Variants in MTSS1 observed in about 807,000 individuals in gnomAD.
MTSS1 encodes MTSS I-BAR domain containing 1, also known as protein MTSS 1.
Under a neutral mutation model 79.0 loss-of-function variants are expected in MTSS1, and 18 were observed. The observed-to-expected ratio is 0.23, with a 90% CI of 0.16 to 0.34. The LOEUF (loss-of-function observed/expected upper bound fraction) is 0.34. Ranked by LOEUF, MTSS1 falls within the 10% of genes least tolerant of loss-of-function variation. MTSS1 has a pLI of 1.00. For synonymous variants in MTSS1, 341 were observed against 368.6 expected, an observed-to-expected ratio of 0.93 and a Z score of 0.86; for missense variants, 815 against 986.2, an observed-to-expected ratio of 0.83 and a Z score of 2.33.
chr8:124,727,773 G>C lies in MTSS1; in HGVS notation c.72+111C>G. On this transcript the variant is annotated intron_variant, in intron 1 of 13. Coordinates refer to ENST00000518547, the MANE Select transcript of MTSS1 (RefSeq NM_014751.6). The surrounding 1 kb of genome is among the most constrained non-coding windows in gnomAD (Gnocchi z 4.7). Reference sequence around the variant, plus strand: ...GGCCGGGAGCTCCCGCAGGTGGCCGGTGGCCACACTGCAGGGAAGGGCCGG... The same window carrying C: ...GGCCGGGAGCTCCCGCAGGTGGCCGCTGGCCACACTGCAGGGAAGGGCCGG... The C allele has an allele frequency of 1.1e-6, 1 of 949,406 alleles. No individual in the cohort carries two copies. The highest frequency in any genetic ancestry group is 1.5e-6 in the Non-Finnish European group (1 of 655,744). 58.8% of individuals were successfully genotyped at this position (949,406 alleles called of 1,614,324 possible). A position where few individuals can be genotyped will look rare whatever the true frequency, so the allele number is the denominator to read the frequency against.
chr8:124,571,093 A>C (rs947520949), intron 6 of MTSS1, among the ~76,000 whole-genome samples: 2 of 152,220 alleles, frequency 1.3e-5, no homozygotes, highest in African/African-American at 4.8e-5. Flanking sequence ...AGGAGTAATC[A>C]TCACCATACA....
chr8:124,651,896 G>C (rs1390876864), intron 3 of MTSS1, among the ~76,000 whole-genome samples: 3 of 152,086 alleles, frequency 2.0e-5, no homozygotes, highest in Non-Finnish European at 2.9e-5. Context: ...CAGACCCCAG[G>C]GTTCCTTAGA....
chr8:124,717,488 G>A (rs554659461), intron 1 of MTSS1, among the ~76,000 whole-genome samples: 18 of 150,368 alleles, frequency 1.2e-4, no homozygotes, highest in African/African-American at 3.7e-4. Flanking sequence ...ACAGATACTC[G>A]GGAGGCTGAG....
chr8:124,652,031 TCTC>T (rs1254486057), intron 3 of MTSS1, among the ~76,000 whole-genome samples: 1 of 152,152 alleles, frequency 6.6e-6, no homozygotes, highest in Non-Finnish European at 1.5e-5. Flanking sequence ...TCGGAAACCT[TCTC>T]CTGGCTAGAT....
intron 3 of MTSS1, among the ~76,000 whole-genome samples, chr8:124,602,207 A>ACACACACACACACACATAT: frequency 4.2e-5 from 6 of 142,202 alleles, no homozygotes; most frequent in East Asian, 2.0e-4. Context: ...ATATATATAT[A>ACACACACACACACACATAT]ATTTTTTTTT....
Position 124,557,760 on chromosome 8 carries a change from G to A in MTSS1, c.1151C>T (p.Ser384Phe). ...ATGAGCGTAGTCTGGAAGGTGGACA[G>A]AGGTGACCCGAGGGAGCAGGCGGGA... ...PASRLLPRVTSVHLPDYAHYY... is the reference protein window; with the variant it reads ...PASRLLPRVTFVHLPDYAHYY... The change falls in exon 11 of 14, where the codon TCT (serine) becomes TTT (phenylalanine). Residue 384 changes from serine (S) to phenylalanine (F), a missense_variant. Physicochemically the swap from Ser to Phe is radical, Grantham distance 155. This residue lies in a region of MTSS1 where 590 missense variants were observed against 620.8 expected (regional missense o/e 0.95). Transcript: ENST00000518547. 3 of 1,605,250 alleles carry A rather than the reference G, an allele frequency of 1.9e-6. No homozygotes were observed. Among genetic ancestry groups the A allele is most frequent in the Non-Finnish European group, 2.6e-6 (3 of 1,176,056 alleles).
At chr8:124,620,548 C>T (rs560867272) in intron 3 of MTSS1, among the ~76,000 whole-genome samples, 1 of 152,258 alleles carries the variant, frequency 6.6e-6, no homozygotes, top group South Asian at 2.1e-4. Flanking sequence ...CCTGTGTCAG[C>T]CACATGTCTT....
chr8:124,636,261 C>T (rs1463585472), intron 3 of MTSS1, among the ~76,000 whole-genome samples: 1 of 152,192 alleles, frequency 6.6e-6, no homozygotes, highest in Non-Finnish European at 1.5e-5. Flanking sequence ...TCTGGAGTAG[C>T]TCGGACTACA....
intron 3 of MTSS1, among the ~76,000 whole-genome samples, chr8:124,672,918 TGG>T (rs1824551582): frequency 6.6e-6 from 1 of 150,970 alleles, no homozygotes; most frequent in Non-Finnish European, 1.5e-5. Context: ...CACATATATA[TGG>T]AGAAAGAAAA....
At chr8:124,576,820 T>C (rs1056336426) in intron 6 of MTSS1, among the ~76,000 whole-genome samples, 5 of 152,244 alleles carry the variant, frequency 3.3e-5, no homozygotes, top group African/African-American at 1.2e-4. Context: ...ATGAAAACCA[T>C]ATTATGCAAG....
At chr8:124,711,268 G>A (rs1048262341) in intron 1 of MTSS1, among the ~76,000 whole-genome samples, 1 of 152,282 alleles carries the variant, frequency 6.6e-6, no homozygotes, top group South Asian at 2.1e-4. Context: ...AGGTGCTGCT[G>A]CTCCTGGTCC....
chr8:124,696,389 G>A (rs889086069), intron 3 of MTSS1, among the ~76,000 whole-genome samples: 1 of 152,046 alleles, frequency 6.6e-6, no homozygotes, highest in African/African-American at 2.4e-5. Flanking sequence ...AAGGACATTC[G>A]AGTTTCTCTT....
chr8:124,563,399 T>G, intron 9 of MTSS1: 1 of 214,936 alleles, frequency 4.7e-6, no homozygotes, highest in Admixed American at 5.3e-5. Context: ...GCAGGAACCA[T>G]GAGCCTGCAG....
At chr8:124,569,354 T>C (rs1363078272) in intron 6 of MTSS1, among the ~76,000 whole-genome samples, 1 of 152,162 alleles carries the variant, frequency 6.6e-6, no homozygotes, top group Non-Finnish European at 1.5e-5. Flanking sequence ...CACAGCCAAA[T>C]CCATTTATTT....
At chr8:124,645,340 T>C (rs1383101773) in intron 3 of MTSS1, among the ~76,000 whole-genome samples, 1 of 152,148 alleles carries the variant, frequency 6.6e-6, no homozygotes, top group African/African-American at 2.4e-5. Context: ...TGAGCTATGA[T>C]TGCGCTACTC....
At chr8:124,691,415 G>T (rs1827909445) in intron 3 of MTSS1, among the ~76,000 whole-genome samples, 1 of 152,184 alleles carries the variant, frequency 6.6e-6, no homozygotes, top group Non-Finnish European at 1.5e-5. Flanking sequence ...ATGTAAGATT[G>T]AGATTATAAA....
intron 3 of MTSS1, among the ~76,000 whole-genome samples, chr8:124,622,522 C>T (rs532446704): frequency 6.7e-6 from 1 of 149,136 alleles, no homozygotes; most frequent in East Asian, 2.0e-4. Flanking sequence ...TGACTGGGTG[C>T]AGTGGCTCAT....
intron 8 of MTSS1, among the ~76,000 whole-genome samples, chr8:124,566,839 A>C (rs1049058328): frequency 2.0e-5 from 3 of 152,206 alleles, no homozygotes; most frequent in South Asian, 2.1e-4. Context: ...AAACAAGCAT[A>C]ATCATGAAGA....
Position 124,553,673 on chromosome 8 carries a change from G to T in MTSS1, c.1587C>A (p.Phe529Leu), listed in dbSNP as rs1002807341. 3.1e-6 allele frequency: 5 copies of T among 1,611,338 alleles called. No homozygotes were observed. The highest frequency in any genetic ancestry group is 4.2e-6 in the Non-Finnish European group (5 of 1,178,284). The change falls in exon 14 of 14, where the codon TTC becomes TTA. Residue 529 changes from phenylalanine to leucine, a missense_variant. Phe to Leu is a conservative substitution (Grantham distance 22, BLOSUM62 0). Coordinates refer to ENST00000518547, the MANE Select transcript of MTSS1 (RefSeq NM_014751.6). This position sits in a 1 kb window ranked among gnomAD's most constrained non-coding sequence, Gnocchi z 6.0. The stretch of plus-strand genomic sequence containing the variant: ...CTGCCTCCTGGTCACCACTTACAGA[G>T]AAATAATCATAATCTGAAACTGATT... ...IPSQVSDYDY[F>L]SVSGDQEADQ...
Sources: gnomAD v4.1 joint callset for allele counts (sites outside exome capture counted in the v4.1 genomes callset) on GRCh38, gnomAD v4.1.1 for gene constraint, gnomAD v4.1.1 regional missense constraint, Gnocchi (gnomAD v3.1) non-coding constraint, MANE v1.5 for transcripts, NCBI Gene and HGNC (gene_info 2026-07-23, HGNC 2026-07-21) for gene names.